GRIA4: variants seen among roughly 807,000 people sequenced by gnomAD.
GRIA4 encodes the protein glutamate receptor 4.
Under a neutral mutation model 104.0 loss-of-function variants are expected in GRIA4, and 34 were observed. The ratio of observed to expected loss-of-function variants is 0.33; its 90% confidence interval spans 0.25 to 0.44. The LOEUF is 0.44. GRIA4 is among the 20% of genes least tolerant of loss of function. The probability of loss-of-function intolerance (pLI) is 1.00; values close to 1 mark genes in which losing one functional copy is unlikely to be tolerated. For synonymous variants in GRIA4, 386 were observed against 381.9 expected (o/e 1.01, Z -0.13); for missense variants, 750 against 1,096.5 (o/e 0.68, Z 4.46).
At chr11:105,886,690 C>T (rs984245444) in intron 5 of GRIA4, among the ~76,000 whole-genome samples, 1 of 152,106 alleles carries the variant, frequency 6.6e-6, no homozygotes, top group Non-Finnish European at 1.5e-5. Context: ...TTGTGGCTTT[C>T]ACTGTTATCA....
chr11:105,974,583 A>T, intron 16 of GRIA4, 139 bp downstream of exon 16: 1 of 1,603,670 alleles, frequency 6.2e-7, no homozygotes, highest in Admixed American at 1.7e-5. Context: ...GACTACAGTG[A>T]GTGGGGGATG....
intron 3 of GRIA4, among the ~76,000 whole-genome samples, chr11:105,703,620 T>C (rs551809374): frequency 6.6e-6 from 1 of 152,276 alleles, no homozygotes; most frequent in Admixed American, 6.5e-5. Context: ...TATTCCACAA[T>C]GGAGGTAAAA....
chr11:105,879,204 C>T (rs1010677255), intron 5 of GRIA4, among the ~76,000 whole-genome samples: 19 of 152,178 alleles, frequency 1.2e-4, no homozygotes, highest in Non-Finnish European at 1.5e-5. Flanking sequence ...CTTCTGCTCA[C>T]CCTCCGTGGG....
chr11:105,875,780 C>T (rs772519967), intron 5 of GRIA4, among the ~76,000 whole-genome samples: 19 of 151,232 alleles, frequency 1.3e-4, no homozygotes, highest in Non-Finnish European at 2.4e-4. Flanking sequence ...TATTTTTTAC[C>T]GTGTCTATTT....
At chr11:105,868,172 G>A (rs543408941) in intron 5 of GRIA4, among the ~76,000 whole-genome samples, 1 of 152,144 alleles carries the variant, frequency 6.6e-6, no homozygotes, top group Non-Finnish European at 1.5e-5. Flanking sequence ...ACAGAGAAAA[G>A]AAGCATTTAA....
At chr11:105,898,767 A>G (rs1261635997) in intron 7 of GRIA4, among the ~76,000 whole-genome samples, 1 of 152,166 alleles carries the variant, frequency 6.6e-6, no homozygotes, top group African/African-American at 2.4e-5. Context: ...ATCTTCATGA[A>G]GTGATTTAAA....
chr11:105,980,420 C>A lies in GRIA4; in HGVS notation c.*681C>A, dbSNP rs1408587147. 1 of 152,588 alleles carries A rather than the reference C, an allele frequency of 6.6e-6. No homozygotes were observed. Among genetic ancestry groups the A allele is most frequent in the African/African-American group, 2.4e-5 (1 of 41,436 alleles). The allele number at this position is 152,588 out of a possible 1,614,324, so 9.5% of individuals were successfully genotyped here. The stretch of plus-strand genomic sequence containing the variant: ...TTGCAATAATTGATATAAATGCCAT[C>A]ACTGTAATAAACTTTAGAGACTTTT... On this transcript the variant is annotated 3_prime_UTR_variant, in exon 17 of 17. Coordinates refer to ENST00000282499, the MANE Select transcript of GRIA4 (RefSeq NM_000829.4).
intron 4 of GRIA4, among the ~76,000 whole-genome samples, chr11:105,828,511 T>A (rs1477830003): frequency 3.3e-5 from 5 of 151,964 alleles, no homozygotes; most frequent in Admixed American, 3.3e-4. Context: ...CAGGGTATTA[T>A]CTGAGGCTGC....
chr11:105,637,893 A>AGTT (rs1951250928), intron 3 of GRIA4, among the ~76,000 whole-genome samples: 1 of 152,176 alleles, frequency 6.6e-6, no homozygotes, highest in Non-Finnish European at 1.5e-5. Context: ...CACCGATGAA[A>AGTT]AACTGGTTGC....
intron 6 of GRIA4, 89 bp from the exon 7 acceptor site, chr11:105,898,180 T>A (rs1473367708): frequency 1.5e-5 from 8 of 533,464 alleles, no homozygotes; most frequent in Non-Finnish European, 2.6e-5. Flanking sequence ...AATCTTTTAA[T>A]ATGTATAGGT....
intron 3 of GRIA4, among the ~76,000 whole-genome samples, chr11:105,688,156 C>CTATATCTATATCTATATCTA (rs373564678): frequency 4.1e-5 from 3 of 72,774 alleles, no homozygotes; most frequent in African/African-American, 1.1e-4. Flanking sequence ...ATATCTATAT[C>CTATATCTATATCTATATCTA]TCTATCTATC....
intron 3 of GRIA4, among the ~76,000 whole-genome samples, chr11:105,623,638 T>C (rs1375285463): frequency 6.6e-6 from 1 of 152,092 alleles, no homozygotes; most frequent in Non-Finnish European, 1.5e-5. Context: ...ACTAGAGTTT[T>C]CTGAACTTTT....
chr11:105,866,449 G>A (rs1176674751), intron 5 of GRIA4, among the ~76,000 whole-genome samples: 2 of 150,798 alleles, frequency 1.3e-5, no homozygotes, highest in Non-Finnish European at 3.0e-5. Context: ...GTGTTTGTGT[G>A]TGTGTGTGTG....
chr11:105,714,687 A>T (rs1212225736), intron 3 of GRIA4, among the ~76,000 whole-genome samples: 1 of 152,186 alleles, frequency 6.6e-6, no homozygotes, highest in African/African-American at 2.4e-5. Flanking sequence ...AGGCCAATAA[A>T]GATATTTATT....
intron 10 of GRIA4, among the ~76,000 whole-genome samples, chr11:105,917,382 T>C (rs142028473): frequency 3.9e-5 from 6 of 152,224 alleles, no homozygotes; most frequent in African/African-American, 9.6e-5. Context: ...ATAATTCACA[T>C]GTTTTATTAA....
chr11:105,826,557 C>T (rs1242576008), intron 4 of GRIA4, among the ~76,000 whole-genome samples: 1 of 152,056 alleles, frequency 6.6e-6, no homozygotes, highest in East Asian at 1.9e-4. Flanking sequence ...GCAGGAGAAG[C>T]TGAGCCTTTA....
At chr11:105,897,583 T>C (rs1946699585) in intron 6 of GRIA4, among the ~76,000 whole-genome samples, 1 of 152,164 alleles carries the variant, frequency 6.6e-6, no homozygotes, top group Non-Finnish European at 1.5e-5. Context: ...ATATGTTCTT[T>C]TGATGCCTAG....
Position 105,688,156 on chromosome 11 carries a change from C to CTCTATCTATCTATCTATCTA in GRIA4, c.248-64811_248-64792dup, listed in dbSNP as rs201251122. ...TCTATATCTATATCTATATCTATATCTCTATCTATCTATCTATCTATCTAT... is the reference window on the plus strand; with the variant it reads ...TCTATATCTATATCTATATCTATATCTCTATCTATCTATCTATCTATCTATCTATCTATCTATCTATCTAT... On this transcript the variant is annotated intron_variant, in intron 3 of 16. Transcript: ENST00000282499. Among the ~76,000 whole-genome samples the CTCTATCTATCTATCTATCTA allele has an allele frequency of 1.4e-4, 10 of 72,774 alleles. No homozygotes were observed. The East Asian group carries it at 2.7e-3, about 20-fold the overall frequency. 47.7% of individuals were successfully genotyped at this position (72,774 alleles called of 152,430 possible).
intron 3 of GRIA4, among the ~76,000 whole-genome samples, chr11:105,623,015 C>T (rs955991453): frequency 6.7e-6 from 1 of 148,312 alleles, no homozygotes; most frequent in African/African-American, 2.5e-5. Context: ...GAAAACAACA[C>T]AATTTCATTC....
Sources: gnomAD v4.1 joint callset for allele counts (sites outside exome capture counted in the v4.1 genomes callset) on GRCh38, gnomAD v4.1.1 for gene constraint, MANE v1.5 for transcripts, NCBI Gene and HGNC (gene_info 2026-07-23, HGNC 2026-07-21) for gene names.